TRAM2: variants seen among roughly 807,000 people sequenced by gnomAD.
TRAM2 encodes translocation associated membrane protein 2.
In TRAM2, 12 loss-of-function variants were observed where a neutral mutation model predicts 51.0. The observed-to-expected ratio is 0.24, with a 90% CI of 0.15 to 0.38. TRAM2 has a LOEUF of 0.38. Among genes scored for constraint, TRAM2 ranks in the 10% least tolerant of loss-of-function variants. TRAM2 has a pLI of 1.00. For synonymous variants in TRAM2, 175 were observed against 179.4 expected, an observed-to-expected ratio of 0.98 and a Z score of 0.20; for missense variants, 361 against 462.0, an observed-to-expected ratio of 0.78 and a Z score of 2.00.
At chr6:52,534,956 G>A (rs552018441) in intron 2 of TRAM2, among the ~76,000 whole-genome samples, 16 of 152,264 alleles carry the variant, frequency 1.1e-4, no homozygotes, top group African/African-American at 3.8e-4. Flanking sequence ...CAGCCACTAT[G>A]GGGGAAGCTT....
intron 1 of TRAM2, among the ~76,000 whole-genome samples, chr6:52,571,976 A>T (rs539572781): frequency 4.6e-5 from 7 of 152,212 alleles, no homozygotes; most frequent in Non-Finnish European, 1.0e-4. Context: ...TAACCAATCA[A>T]TGTCACTCTT....
chr6:52,547,162 G>A (rs938045010), intron 1 of TRAM2, among the ~76,000 whole-genome samples: 6 of 152,184 alleles, frequency 3.9e-5, no homozygotes, highest in African/African-American at 7.2e-5. Flanking sequence ...GGACAGTCAG[G>A]GAGGTGCGGG....
intron 2 of TRAM2, among the ~76,000 whole-genome samples, chr6:52,535,140 G>C (rs1229727409): frequency 6.6e-6 from 1 of 152,188 alleles, no homozygotes; most frequent in Admixed American, 6.5e-5. Context: ...CTCTGAAAAT[G>C]TTAAAAGGAA....
In TRAM2 at chr6:52,502,981, G is replaced by GA; in HGVS notation, c.*215dup. The stretch of plus-strand genomic sequence containing the variant: ...GGAGGTGGCCTGAGGGGGAGAAAGA[G>GA]AAAGATTTTTGGCTTTATTGAGAAT... On this transcript the variant is annotated 3_prime_UTR_variant, in exon 11 of 11. Coordinates refer to ENST00000182527, the MANE Select transcript of TRAM2 (RefSeq NM_012288.4). 1 of 600,520 alleles carries GA rather than the reference G, an allele frequency of 1.7e-6. No homozygotes were observed. The highest frequency in any genetic ancestry group is 2.0e-5 in the South Asian group (1 of 49,986). The allele number at this position is 600,520 out of a possible 1,614,324, so 37.2% of individuals were successfully genotyped here.
chr6:52,497,665 A>C lies in TRAM2; in HGVS notation c.*5532T>G, dbSNP rs1766111286. ...AATTTGGTCCATATGAACAGGCTAG[A>C]GTAGAAAACAGACACTTTGTCCACA... On this transcript the variant is annotated 3_prime_UTR_variant, in exon 11 of 11. Coordinates refer to ENST00000182527, the MANE Select transcript of TRAM2 (RefSeq NM_012288.4). 6.6e-6 allele frequency: 1 copy of C among 152,502 alleles called. No homozygotes were observed. The highest frequency in any genetic ancestry group is 2.1e-4 in the South Asian group (1 of 4,826). The allele number at this position is 152,502 out of a possible 1,614,324, so 9.4% of individuals were successfully genotyped here.
At chr6:52,529,988 T>C (rs9395802) in intron 2 of TRAM2, 33,446 of 152,158 alleles carry the variant, frequency 0.22, 3,877 homozygotes, top group Non-Finnish European at 0.27. Flanking sequence ...AAAACACATA[T>C]TTTATTCCTT....
intron 1 of TRAM2, among the ~76,000 whole-genome samples, chr6:52,569,718 T>G (rs1767647305): frequency 6.6e-6 from 1 of 151,966 alleles, no homozygotes; most frequent in South Asian, 2.1e-4. Context: ...TCTATCAGCT[T>G]TAAGCTACCA....
At chr6:52,559,338 G>A (rs1464483072) in intron 1 of TRAM2, among the ~76,000 whole-genome samples, 2 of 152,134 alleles carry the variant, frequency 1.3e-5, no homozygotes, top group African/African-American at 2.4e-5. Flanking sequence ...CATCTAGGGC[G>A]AGTGACTTGA....
chr6:52,526,180 C>G (rs961704358), intron 2 of TRAM2, among the ~76,000 whole-genome samples: 17 of 122,324 alleles, frequency 1.4e-4, no homozygotes, highest in South Asian at 3.3e-4. Flanking sequence ...CACACACACA[C>G]ACACACACAC....
chr6:52,509,048 AAAAC>A (rs1766401949), intron 5 of TRAM2, among the ~76,000 whole-genome samples: 1 of 152,030 alleles, frequency 6.6e-6, no homozygotes, highest in Admixed American at 6.5e-5. Flanking sequence ...AAAAAGACAA[AAAAC>A]AAAGATCTCG....
chr6:52,569,385 AT>A (rs1284225489), intron 1 of TRAM2, among the ~76,000 whole-genome samples: 3 of 37,198 alleles, frequency 8.1e-5, no homozygotes, highest in Non-Finnish European at 1.1e-4. Context: ...GCAAGACTCC[AT>A]TTAAAAAAAA....
intron 1 of TRAM2, among the ~76,000 whole-genome samples, chr6:52,568,986 G>T (rs1384761150): frequency 6.6e-6 from 1 of 151,650 alleles, no homozygotes; most frequent in Admixed American, 6.6e-5. Context: ...AGACATTAGA[G>T]ATCATGTTTG....
intron 2 of TRAM2, among the ~76,000 whole-genome samples, chr6:52,528,962 C>G (rs1766834170): frequency 6.6e-6 from 1 of 150,446 alleles, no homozygotes; most frequent in Non-Finnish European, 1.5e-5. Flanking sequence ...GTGGTCTCAG[C>G]TCACTGCAAC....
chr6:52,537,797 C>A lies in TRAM2; in HGVS notation c.121-1951G>T, dbSNP rs566520778. Among the ~76,000 whole-genome samples, 3 of 152,288 alleles carry A rather than the reference C, an allele frequency of 2.0e-5. No homozygotes were observed. In the East Asian group the frequency reaches 5.8e-4, roughly 29 times the overall value. ...GATGCACACAGTAAGTGCTCAGTAA[C>A]GGCTCATTGCTTAAGATGAAAAATC... On this transcript the variant is annotated intron_variant, in intron 1 of 10. Transcript: ENST00000182527.
At chr6:52,576,196 C>T (rs1767761636) in intron 1 of TRAM2, among the ~76,000 whole-genome samples, 1 of 152,160 alleles carries the variant, frequency 6.6e-6, no homozygotes, top group Non-Finnish European at 1.5e-5. Flanking sequence ...AAAAATTGGC[C>T]TTCTAGAGCA....
chr6:52,557,066 A>G (rs1297965104), intron 1 of TRAM2, among the ~76,000 whole-genome samples: 1 of 151,442 alleles, frequency 6.6e-6, no homozygotes, highest in Non-Finnish European at 1.5e-5. Flanking sequence ...GGTGGCGGGC[A>G]CCTGTAATCC....
At position 52,528,008 on chromosome 6, in the gene TRAM2, A is replaced by G. The variant is rs570727554; in HGVS notation, c.184+7775T>C. On this transcript the variant is annotated intron_variant, in intron 2 of 10. Transcript: ENST00000182527. ...TGGTTTTTCTCTTATTCATACAAAC[A>G]GAACCTCAGGGCCAGAGAGCTTTGT... 2.7e-3 allele frequency among the ~76,000 whole-genome samples: 418 copies of G among 152,352 alleles called. 2 individuals are homozygous for G. The highest frequency in any genetic ancestry group is 5.0e-3 in the Non-Finnish European group (343 of 68,022).
rs923686094 is a variant in TRAM2 at position 52,521,621 on chromosome 6, C to T, written c.185-4884G>A. Reference sequence around the variant, plus strand: ...CTGAGGCAGGAGAATGGCGTGAACCCGGGAGGGGAAGCTTGCAGTGAGCCG... The same window carrying T: ...CTGAGGCAGGAGAATGGCGTGAACCTGGGAGGGGAAGCTTGCAGTGAGCCG... On this transcript the variant is annotated intron_variant, in intron 2 of 10. Coordinates refer to ENST00000182527, the MANE Select transcript of TRAM2 (RefSeq NM_012288.4). 1.8e-4 allele frequency among the ~76,000 whole-genome samples: 27 copies of T among 151,786 alleles called. 1 individual carries two copies. Among genetic ancestry groups the T allele is most frequent in the African/African-American group, 6.3e-4 (26 of 41,390 alleles).
At position 52,503,076 on chromosome 6, in the gene TRAM2, AG is replaced by A; in HGVS notation, c.*120del. 1 of 812,466 alleles carries A rather than the reference AG, an allele frequency of 1.2e-6. No individual in the cohort carries two copies. 50.3% of individuals were successfully genotyped at this position (812,466 alleles called of 1,614,324 possible). A position where few individuals can be genotyped will look rare whatever the true frequency, so the allele number is the denominator to read the frequency against. The stretch of plus-strand genomic sequence containing the variant: ...ACGCCCCCTCCCCCCATTGCAAGAC[AG>A]GTTTCGGCTGTTTGAGACGGAGCAT... On this transcript the variant is annotated 3_prime_UTR_variant, in exon 11 of 11. Coordinates refer to ENST00000182527, the MANE Select transcript of TRAM2 (RefSeq NM_012288.4).
Sources: allele counts gnomAD v4.1 joint callset (sites outside exome capture counted in the v4.1 genomes callset), GRCh38; gene constraint gnomAD v4.1.1; transcripts MANE v1.5; gene names NCBI Gene and HGNC (gene_info 2026-07-23, HGNC 2026-07-21).